Variants in EPS15 observed in about 807,000 individuals in gnomAD.
EPS15 encodes epidermal growth factor receptor pathway substrate 15.
Under a neutral mutation model 113.8 loss-of-function variants are expected in EPS15, and 72 were observed. The observed-to-expected ratio is 0.63, with a 90% CI of 0.52 to 0.77. The LOEUF is 0.77. Ranked by LOEUF, EPS15 falls within the 30% of genes least tolerant of loss-of-function variation. EPS15 has a pLI of 0.00. For synonymous variants in EPS15, 344 were observed against 363.4 expected (o/e 0.95, Z 0.61); for missense variants, 1,048 against 1,045.8 (o/e 1.00, Z -0.03).
rs796199991 is a variant in EPS15 at position 51,428,017 on chromosome 1, A to G, written c.1041-6159T>C. 3.5e-4 allele frequency among the ~76,000 whole-genome samples: 54 copies of G among 152,308 alleles called. 1 individual carries two copies. Among genetic ancestry groups the G allele is most frequent in the African/African-American group, 1.2e-3 (50 of 41,576 alleles). Reference sequence around the variant, plus strand: ...CTTGTCAATTTGTGACATATAATCAATCCTTAATAAGATTATCAATGGATT... The same window carrying G: ...CTTGTCAATTTGTGACATATAATCAGTCCTTAATAAGATTATCAATGGATT... On this transcript the variant is annotated intron_variant, in intron 12 of 24. Coordinates refer to ENST00000371733, the MANE Select transcript of EPS15 (RefSeq NM_001981.3).
chr1:51,421,856 TC>T lies in EPS15; in HGVS notation c.1042del (p.Glu348LysfsTer78). 1 of 1,611,706 alleles carries T rather than the reference TC, an allele frequency of 6.2e-7. No individual in the cohort carries two copies. The highest frequency in any genetic ancestry group is 8.5e-7 in the Non-Finnish European group (1 of 1,178,504). On this transcript the variant is annotated frameshift_variant and splice_region_variant, in exon 13 of 25. Coordinates refer to ENST00000371733, the MANE Select transcript of EPS15 (RefSeq NM_001981.3). LOFTEE classifies it high-confidence loss of function. ...LNNEIVDLQR[E>X]KNNVEQDLKE... The stretch of plus-strand genomic sequence containing the variant: ...AAGGTCCTGTTCCACATTATTCTTT[TC>T]CCTAGAAGACCAGCAAACAATGCAA...
intron 1 of EPS15, among the ~76,000 whole-genome samples, chr1:51,491,721 G>A (rs1644236317): frequency 6.6e-6 from 1 of 152,050 alleles, no homozygotes; most frequent in South Asian, 2.1e-4. Flanking sequence ...GCAGAGAAAG[G>A]CAAATCACCT....
chr1:51,409,958 T>C (rs1228693873), intron 13 of EPS15, among the ~76,000 whole-genome samples: 7 of 151,562 alleles, frequency 4.6e-5, no homozygotes, highest in Non-Finnish European at 1.5e-5. Flanking sequence ...ATAGAACTCC[T>C]GGAATTTCCC....
chr1:51,400,044 T>C lies in EPS15; in HGVS notation c.1918+874A>G, dbSNP rs889850982. 9.8e-5 allele frequency among the ~76,000 whole-genome samples: 15 copies of C among 152,324 alleles called. 1 individual carries two copies. The highest frequency in any genetic ancestry group is 4.1e-4 in the South Asian group (2 of 4,826). On this transcript the variant is annotated intron_variant, in intron 19 of 24. Transcript: ENST00000371733. The stretch of plus-strand genomic sequence containing the variant: ...TAAGTCCCCTTATTCTACGCTACCG[T>C]AACTAAAGAAAACACAATAAAAACT...
chr1:51,410,295 A>G (rs1476503887), intron 13 of EPS15, among the ~76,000 whole-genome samples: 1 of 151,298 alleles, frequency 6.6e-6, no homozygotes, highest in Non-Finnish European at 1.5e-5. Flanking sequence ...GGAGGCTGAG[A>G]TGGGAGGATC....
chr1:51,517,172 C>T (rs1644735504), intron 1 of EPS15, among the ~76,000 whole-genome samples: 1 of 152,128 alleles, frequency 6.6e-6, no homozygotes, highest in Admixed American at 6.5e-5. Flanking sequence ...CGTGTGCCTT[C>T]GTAATCCCTC....
At chr1:51,406,240 CTG>C in intron 15 of EPS15, 132 bp from the exon 16 acceptor site, 1 of 725,662 alleles carries the variant, frequency 1.4e-6, no homozygotes, top group South Asian at 1.8e-5. Flanking sequence ...CTTTGGGAAA[CTG>C]AGGCAGGAGG....
At chr1:51,368,801 C>T (rs1646571928) in intron 21 of EPS15, among the ~76,000 whole-genome samples, 1 of 152,024 alleles carries the variant, frequency 6.6e-6, no homozygotes, top group Non-Finnish European at 1.5e-5. Flanking sequence ...CGGGGTTTCA[C>T]TATGTTGGCC....
intron 1 of EPS15, among the ~76,000 whole-genome samples, chr1:51,482,278 A>G (rs1644034188): frequency 6.6e-6 from 1 of 152,230 alleles, no homozygotes; most frequent in Non-Finnish European, 1.5e-5. Context: ...GTGACATCAG[A>G]GCAGGAACTT....
At chr1:51,445,146 T>G in intron 10 of EPS15, 101 bp from the exon 11 acceptor site, 7 of 768,578 alleles carry the variant, frequency 9.1e-6, no homozygotes, top group Non-Finnish European at 1.4e-5. Context: ...ATGAGGTGAA[T>G]TTAAAAAGAC....
chr1:51,490,327 C>A (rs914794837), intron 1 of EPS15: 2 of 440,552 alleles, frequency 4.5e-6, no homozygotes, highest in South Asian at 1.6e-5. Flanking sequence ...GCACTCTGGG[C>A]GGCCAAAGCG....
chr1:51,378,730 T>A (rs1442829324), intron 21 of EPS15, among the ~76,000 whole-genome samples: 1 of 152,154 alleles, frequency 6.6e-6, no homozygotes, highest in African/African-American at 2.4e-5. Flanking sequence ...ACTTTAAAAA[T>A]ACGTAACTAA....
At chr1:51,379,853 G>C (rs1404724481) in intron 21 of EPS15, among the ~76,000 whole-genome samples, 1 of 152,144 alleles carries the variant, frequency 6.6e-6, no homozygotes, top group African/African-American at 2.4e-5. Flanking sequence ...CTTGAGGTCA[G>C]GAGTTCAAGA....
At chr1:51,477,824 T>G (rs1402552889) in intron 2 of EPS15, among the ~76,000 whole-genome samples, 1 of 152,208 alleles carries the variant, frequency 6.6e-6, no homozygotes, top group African/African-American at 2.4e-5. Flanking sequence ...AGAGACAGTT[T>G]GTTATAATTT....
intron 12 of EPS15, among the ~76,000 whole-genome samples, chr1:51,429,652 T>C (rs1358057142): frequency 6.6e-6 from 1 of 150,746 alleles, no homozygotes; most frequent in Non-Finnish European, 1.5e-5. Flanking sequence ...GGTTTTTTTT[T>C]TTTTTTTCTT....
At chr1:51,492,896 C>A (rs1392991104) in intron 1 of EPS15, among the ~76,000 whole-genome samples, 3 of 152,222 alleles carry the variant, frequency 2.0e-5, no homozygotes, top group Non-Finnish European at 4.4e-5. Flanking sequence ...TCACCAGCAG[C>A]TTGTCCACAT....
At chr1:51,388,857 A>G (rs1570166535) in intron 21 of EPS15, among the ~76,000 whole-genome samples, 1 of 152,148 alleles carries the variant, frequency 6.6e-6, no homozygotes, top group African/African-American at 2.4e-5. Flanking sequence ...GTCCAGGACC[A>G]GATGGATTCA....
intron 1 of EPS15, among the ~76,000 whole-genome samples, chr1:51,484,379 C>T (rs1644081313): frequency 6.6e-6 from 1 of 152,172 alleles, no homozygotes; most frequent in East Asian, 1.9e-4. Context: ...CTAGGCAACA[C>T]AGCGAGATCT....
rs34320767 is a variant in EPS15, at chr1:51,462,870, A to ATT, written c.501+801_501+802dup. ...AAAAGAGGAAAAGTAAAAAAGTCAG[A>ATT]TTTTTTTTTTTTTTTTTTTTTTTTT... On this transcript the variant is annotated intron_variant, in intron 7 of 24. Coordinates refer to ENST00000371733, the MANE Select transcript of EPS15 (RefSeq NM_001981.3). Among the ~76,000 whole-genome samples the ATT allele has an allele frequency of 9.2e-3, 1,016 of 111,026 alleles. 17 individuals are homozygous for ATT. The highest frequency in any genetic ancestry group is 0.016 in the Middle Eastern group (3 of 188). 72.8% of individuals were successfully genotyped at this position (111,026 alleles called of 152,430 possible).
Sources: allele counts gnomAD v4.1 joint callset (sites outside exome capture counted in the v4.1 genomes callset), GRCh38; gene constraint gnomAD v4.1.1; transcripts MANE v1.5; gene names NCBI Gene and HGNC (gene_info 2026-07-23, HGNC 2026-07-21).